LPAR3: variants seen among roughly 807,000 people sequenced by gnomAD.
LPAR3 encodes lysophosphatidic acid receptor 3.
In LPAR3, 7 loss-of-function variants were observed where a neutral mutation model predicts 17.8. That is an observed-to-expected ratio of 0.39 (90% CI 0.22 to 0.74). LPAR3 has a LOEUF of 0.74. LPAR3 is among the 30% of genes least tolerant of loss of function. LPAR3 has a pLI of 0.40. For missense variants in LPAR3, 391 were observed against 453.4 expected, an observed-to-expected ratio of 0.86 and a Z score of 1.25; for synonymous variants, 179 against 179.9, an observed-to-expected ratio of 0.99 and a Z score of 0.04.
intron 2 of LPAR3, among the ~76,000 whole-genome samples, chr1:84,838,515 T>C (rs1010864500): frequency 5.3e-5 from 8 of 152,176 alleles, no homozygotes; most frequent in Non-Finnish European, 7.3e-5. Flanking sequence ...GTAAGTACCA[T>C]TGACTCTGCC....
chr1:84,852,219 A>C (rs953197689), intron 2 of LPAR3, among the ~76,000 whole-genome samples: 1 of 151,886 alleles, frequency 6.6e-6, no homozygotes, highest in African/African-American at 2.4e-5. Flanking sequence ...AGTAGTTGGG[A>C]CTACAGGTGT....
intron 2 of LPAR3, 70 bp from the exon 3 acceptor site, chr1:84,814,241 C>T (rs1214204105): frequency 2.1e-5 from 28 of 1,331,618 alleles, no homozygotes; most frequent in Non-Finnish European, 2.6e-5. Context: ...TCTTCTCTCC[C>T]AGCCTTTAGC....
intron 2 of LPAR3, among the ~76,000 whole-genome samples, chr1:84,825,483 G>A (rs997553713): frequency 2.0e-5 from 3 of 152,160 alleles, no homozygotes; most frequent in African/African-American, 4.8e-5. Flanking sequence ...TGAATTTAAT[G>A]TTCTCTGCAA....
At chr1:84,891,432 C>G (rs925455774) in intron 1 of LPAR3, among the ~76,000 whole-genome samples, 1 of 152,238 alleles carries the variant, frequency 6.6e-6, no homozygotes, top group Non-Finnish European at 1.5e-5. Context: ...AAGTACACAA[C>G]TCTGACTGGC....
At chr1:84,836,013 T>TTTC (rs936539852) in intron 2 of LPAR3, among the ~76,000 whole-genome samples, 5 of 133,894 alleles carry the variant, frequency 3.7e-5, no homozygotes, top group African/African-American at 1.2e-4. Flanking sequence ...GGCCTTTTTT[T>TTTC]TTTTTTTTTT....
rs552603173 is a variant in LPAR3 at position 84,853,684 on chromosome 1, G to A, written c.736+11701C>T. 7.9e-5 allele frequency among the ~76,000 whole-genome samples: 12 copies of A among 152,218 alleles called. No individual in the cohort carries two copies. In the South Asian group the frequency reaches 2.3e-3, roughly 29 times the overall value. On this transcript the variant is annotated intron_variant, in intron 2 of 2. Coordinates refer to ENST00000370611, the MANE Select transcript of LPAR3 (RefSeq NM_012152.3). ...TGATGGACCAGCTCTGCCTCTCTCT[G>A]GCATCTGAGCTACCTCCCATCCCCA...
At chr1:84,839,735 G>C (rs1178629033) in intron 2 of LPAR3, among the ~76,000 whole-genome samples, 3 of 152,084 alleles carry the variant, frequency 2.0e-5, no homozygotes, top group Non-Finnish European at 4.4e-5. Flanking sequence ...TATGATGCAA[G>C]GGTTAGGTAC....
At chr1:84,863,453 C>T (rs889185868) in intron 2 of LPAR3, among the ~76,000 whole-genome samples, 2 of 152,082 alleles carry the variant, frequency 1.3e-5, no homozygotes, top group Non-Finnish European at 2.9e-5. Context: ...CCTCGATTGC[C>T]TTCTTCTCTT....
chr1:84,884,554 T>C (rs1481723974), intron 1 of LPAR3, among the ~76,000 whole-genome samples: 1 of 152,216 alleles, frequency 6.6e-6, no homozygotes, highest in South Asian at 2.1e-4. Flanking sequence ...AAATGCATCA[T>C]AGAAATTAGC....
intron 2 of LPAR3, among the ~76,000 whole-genome samples, chr1:84,825,805 A>G (rs947497942): frequency 1.3e-5 from 2 of 152,236 alleles, no homozygotes; most frequent in Non-Finnish European, 2.9e-5. Flanking sequence ...CTTGGTCATC[A>G]GTACGGTGCG....
intron 2 of LPAR3, among the ~76,000 whole-genome samples, chr1:84,850,412 A>AAAAAAAAAAAAG (rs1553148195): frequency 4.0e-4 from 60 of 149,764 alleles, no homozygotes; most frequent in Non-Finnish European, 6.2e-4. Flanking sequence ...AAAAAAAAAA[A>AAAAAAAAAAAAG]AAAAAGAAAA....
chr1:84,850,205 G>A (rs1188127506), intron 2 of LPAR3, among the ~76,000 whole-genome samples: 1 of 151,932 alleles, frequency 6.6e-6, no homozygotes, highest in African/African-American at 2.4e-5. Flanking sequence ...CAGGCTGTCA[G>A]CAGTCCTGAT....
At chr1:84,830,665 T>C (rs1307598379) in intron 2 of LPAR3, among the ~76,000 whole-genome samples, 2 of 152,134 alleles carry the variant, frequency 1.3e-5, no homozygotes, top group Non-Finnish European at 2.9e-5. Context: ...ACCAGACGCT[T>C]AGTAGGTGTT....
rs577257317 is a variant in LPAR3 at position 84,831,790 on chromosome 1, C to T, written c.737-17619G>A. The stretch of plus-strand genomic sequence containing the variant: ...AAAATTAGAGGAGAACCCCTAGCTG[C>T]CCAGCCACCTGTGATAACAGTTTCT... On this transcript the variant is annotated intron_variant, in intron 2 of 2. Coordinates refer to ENST00000370611, the MANE Select transcript of LPAR3 (RefSeq NM_012152.3). Among the ~76,000 whole-genome samples the T allele has an allele frequency of 2.5e-3, 381 of 150,458 alleles. 1 individual carries two copies. Among genetic ancestry groups the T allele is most frequent in the Non-Finnish European group, 3.6e-3 (242 of 67,692 alleles).
chr1:84,824,197 C>T (rs1659105429), intron 2 of LPAR3, among the ~76,000 whole-genome samples: 1 of 152,132 alleles, frequency 6.6e-6, no homozygotes, highest in Non-Finnish European at 1.5e-5. Context: ...AAATATCATT[C>T]TGAGCTCAGA....
At chr1:84,838,306 T>C (rs966237656) in intron 2 of LPAR3, among the ~76,000 whole-genome samples, 2 of 152,204 alleles carry the variant, frequency 1.3e-5, no homozygotes, top group Non-Finnish European at 2.9e-5. Flanking sequence ...TGGTGGATTC[T>C]TTCACAGATC....
chr1:84,825,143 C>G (rs527353560), intron 2 of LPAR3, among the ~76,000 whole-genome samples: 1 of 152,280 alleles, frequency 6.6e-6, no homozygotes, highest in Non-Finnish European at 1.5e-5. Flanking sequence ...GGGGTTCTCT[C>G]ATAGCTTCCT....
rs778088517 is a variant in LPAR3 at position 84,814,005 on chromosome 1, A to G, written c.903T>C (p.Tyr301=). 27 of 1,614,062 alleles carry G rather than the reference A, an allele frequency of 1.7e-5. No homozygotes were observed. The highest frequency in any genetic ancestry group is 1.6e-4 in the Middle Eastern group (1 of 6,084). The change falls in exon 3 of 3, where the codon TAT becomes TAC. Residue 301 remains tyrosine (Y), a synonymous_variant. Transcript: ENST00000370611. Reference sequence around the variant, plus strand: ...AGCAGATCATCTTCTTCATGGTGCCATACATGTCCTCGTCCTTGTAGGAGT... The same window carrying G: ...AGCAGATCATCTTCTTCATGGTGCCGTACATGTCCTCGTCCTTGTAGGAGT... ...IIYSYKDEDM[Y]GTMKKMICCF... is the part of the protein sequence containing the mutation.
intron 2 of LPAR3, among the ~76,000 whole-genome samples, chr1:84,836,179 A>AAT (rs1175773889): frequency 6.6e-6 from 1 of 151,496 alleles, no homozygotes; most frequent in East Asian, 1.9e-4. Context: ...TCTACAAAAA[A>AAT]ATATAAAAAT....
Sources: allele counts gnomAD v4.1 joint callset (sites outside exome capture counted in the v4.1 genomes callset), GRCh38; gene constraint gnomAD v4.1.1; transcripts MANE v1.5; gene names NCBI Gene and HGNC (gene_info 2026-07-23, HGNC 2026-07-21).